Variants in SNTB1 observed in about 807,000 individuals in gnomAD.
SNTB1 encodes the protein syntrophin beta 1, also known as beta-1-syntrophin.
A neutral mutation model predicts 48.9 loss-of-function variants in SNTB1; 36 were observed. The observed-to-expected ratio is 0.74, with a 90% CI of 0.56 to 0.97. The LOEUF (loss-of-function observed/expected upper bound fraction) is 0.97. SNTB1 is among the 50% of genes least tolerant of loss of function. The pLI is 0.00. For missense variants in SNTB1, 786 were observed against 703.4 expected (o/e 1.12, Z -1.33); for synonymous variants, 299 against 294.6 (o/e 1.01, Z -0.15).
At chr8:120,561,405 GTTTAA>G (rs1193730210) in intron 4 of SNTB1, among the ~76,000 whole-genome samples, 1 of 151,344 alleles carries the variant, frequency 6.6e-6, no homozygotes, top group Non-Finnish European at 1.5e-5. Context: ...TCATCCATGG[GTTTAA>G]TTTATCCCTG....
At chr8:120,547,592 C>CA (rs11289979) in intron 5 of SNTB1, among the ~76,000 whole-genome samples, 2,729 of 88,878 alleles carry the variant, frequency 0.031, 143 homozygotes, top group African/African-American at 0.12. Flanking sequence ...AACACTGTCT[C>CA]AAAAAAAAAA....
chr8:120,644,970 A>G (rs1370409509), intron 2 of SNTB1, among the ~76,000 whole-genome samples: 2 of 151,740 alleles, frequency 1.3e-5, no homozygotes, highest in Non-Finnish European at 2.9e-5. Flanking sequence ...TCTTTTGAGA[A>G]GTGTCTGTTC....
chr8:120,652,532 T>C (rs1426857345), intron 2 of SNTB1, among the ~76,000 whole-genome samples: 1 of 152,106 alleles, frequency 6.6e-6, no homozygotes, highest in Non-Finnish European at 1.5e-5. Flanking sequence ...TCCTTTTTTT[T>C]TTTTCTTAAG....
intron 1 of SNTB1, among the ~76,000 whole-genome samples, chr8:120,763,899 C>T (rs1378021712): frequency 6.6e-6 from 1 of 152,036 alleles, no homozygotes; most frequent in Non-Finnish European, 1.5e-5. Flanking sequence ...TCAAACGATT[C>T]TCCTGCCTTG....
intron 2 of SNTB1, among the ~76,000 whole-genome samples, chr8:120,655,452 T>C (rs115947678): frequency 0.011 from 1,601 of 152,292 alleles, 29 homozygotes; most frequent in African/African-American, 0.036. Flanking sequence ...CACACCATCC[T>C]ATGAGGTGAA....
At chr8:120,579,506 T>TG (rs1307911503) in intron 3 of SNTB1, among the ~76,000 whole-genome samples, 2 of 152,114 alleles carry the variant, frequency 1.3e-5, no homozygotes, top group Non-Finnish European at 1.5e-5. Flanking sequence ...GTGGAAACTC[T>TG]GTCTCTACTA....
chr8:120,596,977 C>T (rs190302688), intron 3 of SNTB1, among the ~76,000 whole-genome samples: 1 of 152,266 alleles, frequency 6.6e-6, no homozygotes, highest in Non-Finnish European at 1.5e-5. Context: ...TGTTCATGTC[C>T]CAATACCTGG....
At chr8:120,735,723 C>T in intron 1 of SNTB1, among the ~76,000 whole-genome samples, 1 of 152,138 alleles carries the variant, frequency 6.6e-6, no homozygotes, top group Middle Eastern at 3.2e-3. Flanking sequence ...TAAATGTCTG[C>T]TGGCCAAGCC....
chr8:120,537,617 G>A lies in SNTB1; in HGVS notation c.*1260C>T, dbSNP rs1045920198. On this transcript the variant is annotated 3_prime_UTR_variant, in exon 7 of 7. Coordinates refer to ENST00000517992, the MANE Select transcript of SNTB1 (RefSeq NM_021021.4). The stretch of plus-strand genomic sequence containing the variant: ...AAACTACAGGAAAAGTGTTAGAAAT[G>A]TTTATAGAGATCCTAGAGCTCATTT... 1.3e-5 allele frequency: 2 copies of A among 152,164 alleles called. No homozygotes were observed. The highest frequency in any genetic ancestry group is 3.9e-4 in the East Asian group (2 of 5,186). 9.4% of individuals were successfully genotyped at this position (152,164 alleles called of 1,614,324 possible).
At position 120,811,345 on chromosome 8, in the gene SNTB1, C is replaced by T. The variant is rs201764994; in HGVS notation, c.499G>A (p.Asp167Asn). ...GDAILSVNGA[D>N]LRDATHDEAV... is the part of the protein sequence containing the mutation. ...TCGTCGTGGGTGGCGTCCCGCAGGT[C>T]GGCTCCGTTCACGGACAGGATGGCG... Residue 167 changes from aspartate (D) to asparagine (N), a missense_variant, in exon 1 of 7, where the codon GAC becomes AAC. Asp to Asn is a conservative substitution (Grantham distance 23, BLOSUM62 1). Transcript: ENST00000517992. 5.3e-5 allele frequency: 85 copies of T among 1,612,904 alleles called. No individual in the cohort carries two copies. Among genetic ancestry groups the T allele is most frequent in the Non-Finnish European group, 6.8e-5 (80 of 1,179,886 alleles).
At chr8:120,713,416 T>C (rs933926616) in intron 1 of SNTB1, among the ~76,000 whole-genome samples, 1 of 152,172 alleles carries the variant, frequency 6.6e-6, no homozygotes, top group African/African-American at 2.4e-5. Flanking sequence ...TCTGATTTGC[T>C]TTTTCTATAT....
chr8:120,680,002 G>A (rs1248336388), intron 2 of SNTB1, among the ~76,000 whole-genome samples: 2 of 152,028 alleles, frequency 1.3e-5, no homozygotes, highest in East Asian at 1.9e-4. Flanking sequence ...TTGCCTTAGT[G>A]TCTGTACTTA....
chr8:120,735,580 C>A (rs1040403641), intron 1 of SNTB1, among the ~76,000 whole-genome samples: 3 of 152,006 alleles, frequency 2.0e-5, no homozygotes, highest in African/African-American at 7.2e-5. Flanking sequence ...AAAGAAACAC[C>A]AAGGTTATAT....
At chr8:120,744,683 A>C (rs73323135) in intron 1 of SNTB1, among the ~76,000 whole-genome samples, 19,995 of 152,154 alleles carry the variant, frequency 0.13, 1,717 homozygotes, top group African/African-American at 0.24. Context: ...ATAGATACTA[A>C]ACATGGATTA....
chr8:120,577,438 T>G (rs929925409), intron 3 of SNTB1, among the ~76,000 whole-genome samples: 1 of 152,246 alleles, frequency 6.6e-6, no homozygotes, highest in Non-Finnish European at 1.5e-5. Context: ...GAGAAGGCAA[T>G]GTACCAGACT....
At chr8:120,645,445 C>G (rs913771200) in intron 2 of SNTB1, among the ~76,000 whole-genome samples, 8 of 151,204 alleles carry the variant, frequency 5.3e-5, no homozygotes, top group South Asian at 4.2e-4. Flanking sequence ...GCTTGTTTTT[C>G]TCAGGTTTGT....
intron 2 of SNTB1, among the ~76,000 whole-genome samples, chr8:120,689,834 T>C (rs934793936): frequency 2.0e-5 from 3 of 152,236 alleles, no homozygotes; most frequent in African/African-American, 7.2e-5. Flanking sequence ...TTGTATTATT[T>C]GTACCTAATG....
rs541225224 is a variant in SNTB1 at position 120,657,935 on chromosome 8, T to C, written c.789-25284A>G. Among the ~76,000 whole-genome samples the C allele has an allele frequency of 1.2e-3, 190 of 152,354 alleles. 1 individual carries two copies. Among genetic ancestry groups the C allele is most frequent in the African/African-American group, 4.3e-3 (178 of 41,592 alleles). On this transcript the variant is annotated intron_variant, in intron 2 of 6. Coordinates refer to ENST00000517992, the MANE Select transcript of SNTB1 (RefSeq NM_021021.4). The stretch of plus-strand genomic sequence containing the variant: ...AGAAATTCCTAATGTGAGAGAATCA[T>C]TTGTACCTATTTTAGGTGCAGAGAA...
intron 2 of SNTB1, among the ~76,000 whole-genome samples, chr8:120,660,757 A>G (rs1190548573): frequency 6.6e-6 from 1 of 152,138 alleles, no homozygotes; most frequent in Non-Finnish European, 1.5e-5. Context: ...AATCATTTCC[A>G]GTTTTTGAAT....
Sources: allele counts gnomAD v4.1 joint callset (sites outside exome capture counted in the v4.1 genomes callset), GRCh38; gene constraint gnomAD v4.1.1; transcripts MANE v1.5; gene names NCBI Gene and HGNC (gene_info 2026-07-23, HGNC 2026-07-21).